The following ARHGAP8 variants were observed in gnomAD, a reference collection of about 807,000 sequenced individuals.
ARHGAP8 encodes Rho GTPase activating protein 8, also known as rho GTPase-activating protein 8.
A neutral mutation model predicts 46.1 loss-of-function variants in ARHGAP8; 62 were observed. The observed-to-expected ratio is 1.34, with a 90% CI of 1.10 to 1.66. The LOEUF (loss-of-function observed/expected upper bound fraction) is 1.66. Among genes scored for constraint, ARHGAP8 ranks in the 40% most tolerant of loss-of-function variants. ARHGAP8 has a pLI of 0.00. For synonymous variants in ARHGAP8, 375 were observed against 243.1 expected, an observed-to-expected ratio of 1.54 and a Z score of -5.05; for missense variants, 923 against 568.4, an observed-to-expected ratio of 1.62 and a Z score of -6.34.
chr22:44,799,770 C>G (rs1031762626), intron 2 of ARHGAP8, among the ~76,000 whole-genome samples: 1 of 146,646 alleles, frequency 6.8e-6, no homozygotes, highest in East Asian at 2.0e-4. Context: ...ATCTGTTCTC[C>G]GTGTCCCTGA....
At chr22:44,817,935 C>T (rs141157570) in intron 5 of ARHGAP8, among the ~76,000 whole-genome samples, 13 of 152,000 alleles carry the variant, frequency 8.6e-5, no homozygotes, top group African/African-American at 2.4e-4. Flanking sequence ...GGTAACATGG[C>T]GGAACCTCGC....
intron 4 of ARHGAP8, chr22:44,809,434 C>T (rs559394551): frequency 2.3e-5 from 8 of 351,488 alleles, no homozygotes; most frequent in Admixed American, 1.9e-4. Context: ...ACCGTTTCTT[C>T]ACTAAAGCCT....
intron 3 of ARHGAP8, among the ~76,000 whole-genome samples, chr22:44,805,054 T>C (rs78178685): frequency 0.069 from 10,503 of 152,204 alleles, 429 homozygotes; most frequent in African/African-American, 0.097. Flanking sequence ...CAGCCCACTC[T>C]TGGTGTTTAC....
rs191745711 is a variant in ARHGAP8, at chr22:44,862,226, C to T, written c.982-49C>T. ...AGTTCGGGAGGGAGTTCCAGGTGCC[C>T]GTGCCCCTTGGTGTTCACTCCCCTT... On this transcript the variant is annotated intron_variant, in intron 11 of 11. Coordinates refer to ENST00000356099, the MANE Select transcript of ARHGAP8 (RefSeq NM_181335.3). The T allele has an allele frequency of 1.9e-3, 2,924 of 1,534,168 alleles. 11 individuals carry two copies. The highest frequency in any genetic ancestry group is 0.016 in the African/African-American group (1,106 of 67,398).
In ARHGAP8 at chr22:44,838,218, A is replaced by G. The variant is rs188293580; in HGVS notation, c.597-7051A>G. On this transcript the variant is annotated intron_variant, in intron 7 of 11. Transcript: ENST00000356099. ...GATGGCACGATCTTGGCTCACTGCAACCTCCGCCTCCCGGGTTCAAGCAAT... is the reference window on the plus strand; with the variant it reads ...GATGGCACGATCTTGGCTCACTGCAGCCTCCGCCTCCCGGGTTCAAGCAAT... 5.4e-5 allele frequency among the ~76,000 whole-genome samples: 8 copies of G among 149,082 alleles called. No homozygotes were observed. In the East Asian group the frequency reaches 9.9e-4, roughly 18 times the overall value.
chr22:44,760,016 C>A (rs1014991132), intron 1 of ARHGAP8, among the ~76,000 whole-genome samples: 1 of 152,202 alleles, frequency 6.6e-6, no homozygotes, highest in Non-Finnish European at 1.5e-5. Context: ...TTTAGAGACC[C>A]CCTTGCCCTT....
At chr22:44,862,250 T>G in intron 11 of ARHGAP8, 25 bp from the exon 12 acceptor site, 2 of 1,569,922 alleles carry the variant, frequency 1.3e-6, no homozygotes, top group East Asian at 4.5e-5. Context: ...TTCACTCCCC[T>G]TTACTTGTGT....
At chr22:44,783,845 T>C (rs1927024521) in intron 1 of ARHGAP8, among the ~76,000 whole-genome samples, 1 of 152,142 alleles carries the variant, frequency 6.6e-6, no homozygotes, top group Admixed American at 6.6e-5. Context: ...GGGCCCATCC[T>C]GCCTCCAGCC....
intron 5 of ARHGAP8, among the ~76,000 whole-genome samples, chr22:44,820,238 C>T (rs1930032927): frequency 6.6e-6 from 1 of 152,166 alleles, no homozygotes; most frequent in African/African-American, 2.4e-5. Context: ...AGTGGCAGGG[C>T]CCTGGCTGCA....
intron 10 of ARHGAP8, among the ~76,000 whole-genome samples, chr22:44,856,936 T>G (rs1569183515): frequency 7.2e-6 from 1 of 139,622 alleles, no homozygotes; most frequent in Non-Finnish European, 1.5e-5. Flanking sequence ...CTGACTTGAG[T>G]AAGAATTCTT....
At chr22:44,816,241 G>C (rs909678086) in intron 5 of ARHGAP8, among the ~76,000 whole-genome samples, 8 of 152,128 alleles carry the variant, frequency 5.3e-5, no homozygotes, top group Admixed American at 2.6e-4. Flanking sequence ...GTGACGCTCC[G>C]TGTACAGGGA....
chr22:44,790,298 C>G (rs1927564410), intron 2 of ARHGAP8, among the ~76,000 whole-genome samples: 1 of 151,944 alleles, frequency 6.6e-6, no homozygotes, highest in Admixed American at 6.6e-5. Flanking sequence ...GGTGGCCTAG[C>G]TGAAACCAAA....
At chr22:44,784,941 A>ATG (rs1927105251) in intron 1 of ARHGAP8, among the ~76,000 whole-genome samples, 1 of 152,138 alleles carries the variant, frequency 6.6e-6, no homozygotes, top group South Asian at 2.1e-4. Flanking sequence ...ACACCTGTTG[A>ATG]TGAACAGGGG....
At chr22:44,813,560 A>G (rs1253088148) in intron 4 of ARHGAP8, among the ~76,000 whole-genome samples, 1 of 151,866 alleles carries the variant, frequency 6.6e-6, no homozygotes, top group Non-Finnish European at 1.5e-5. Context: ...ATACACATAC[A>G]CCTACATACA....
chr22:44,795,939 G>T (rs1411111121), intron 2 of ARHGAP8, among the ~76,000 whole-genome samples: 1 of 152,152 alleles, frequency 6.6e-6, no homozygotes, highest in Non-Finnish European at 1.5e-5. Flanking sequence ...CCTGTAAGTG[G>T]CCTTGCCACT....
At chr22:44,857,929 A>G (rs1177511273) in intron 10 of ARHGAP8, among the ~76,000 whole-genome samples, 3 of 131,508 alleles carry the variant, frequency 2.3e-5, no homozygotes, top group East Asian at 4.4e-4. Flanking sequence ...GCCAGCAGGT[A>G]TTCTCAGAGG....
Position 44,822,271 on chromosome 22 carries a change from C to T in ARHGAP8, c.387-100C>T, listed in dbSNP as rs1930205802. ...TTACATTTTCTTAATATGAAAAATGCCTGCATTGTTCTGCCGCCAACTCCC... is the reference window on the plus strand; with the variant it reads ...TTACATTTTCTTAATATGAAAAATGTCTGCATTGTTCTGCCGCCAACTCCC... On this transcript the variant is annotated intron_variant, in intron 5 of 11. Coordinates refer to ENST00000356099, the MANE Select transcript of ARHGAP8 (RefSeq NM_181335.3). 3.5e-5 allele frequency: 33 copies of T among 939,806 alleles called. No individual in the cohort carries two copies. The South Asian group carries it at 4.3e-4, about 12-fold the overall frequency. The allele number at this position is 939,806 out of a possible 1,614,324, so 58.2% of individuals were successfully genotyped here. A position where few individuals can be genotyped will look rare whatever the true frequency, so the allele number is the denominator to read the frequency against.
intron 7 of ARHGAP8, among the ~76,000 whole-genome samples, chr22:44,826,042 C>T (rs1297862787): frequency 6.6e-6 from 1 of 152,058 alleles, no homozygotes; most frequent in Admixed American, 6.5e-5. Context: ...GCCCCCTGCC[C>T]TCCGGGTACA....
At chr22:44,797,979 A>ATTTTT (rs36101080) in intron 2 of ARHGAP8, among the ~76,000 whole-genome samples, 6 of 128,620 alleles carry the variant, frequency 4.7e-5, no homozygotes, top group Non-Finnish European at 3.3e-5. Flanking sequence ...GGCCAATAAG[A>ATTTTT]TTTTTTTTTT....
Sources: allele counts gnomAD v4.1 joint callset (sites outside exome capture counted in the v4.1 genomes callset), GRCh38; gene constraint gnomAD v4.1.1; transcripts MANE v1.5; gene names NCBI Gene and HGNC (gene_info 2026-07-23, HGNC 2026-07-21).